Variants in WWP2 observed in about 807,000 individuals in gnomAD.
The protein encoded by WWP2 is NEDD4-like E3 ubiquitin-protein ligase WWP2.
WWP2 carries 57 observed loss-of-function variants against 121.0 expected under a neutral mutation model. The observed-to-expected ratio is 0.47, with a 90% CI of 0.38 to 0.59. WWP2 has a LOEUF of 0.59. Ranked by LOEUF, WWP2 falls within the 20% of genes least tolerant of loss-of-function variation. The pLI is 0.00. For synonymous variants in WWP2, 449 were observed against 441.3 expected (o/e 1.02, Z -0.22); for missense variants, 962 against 1,158.9 (o/e 0.83, Z 2.47).
intron 12 of WWP2, among the ~76,000 whole-genome samples, chr16:69,929,880 T>C (rs1225778635): frequency 1.3e-5 from 2 of 152,172 alleles, no homozygotes; most frequent in African/African-American, 4.8e-5. Context: ...ACAGGGTGCC[T>C]CAGGATTGCT....
chr16:69,906,293 T>C (rs376889803), intron 8 of WWP2, among the ~76,000 whole-genome samples: 14 of 152,088 alleles, frequency 9.2e-5, no homozygotes, highest in African/African-American at 1.7e-4. Context: ...AGGATGATCT[T>C]GATCTCCTGA....
At chr16:69,788,659 A>G (rs1028987753) in intron 2 of WWP2, among the ~76,000 whole-genome samples, 8 of 151,862 alleles carry the variant, frequency 5.3e-5, no homozygotes, top group Admixed American at 5.2e-4. Context: ...CATCACATCT[A>G]TTTCCCTCTC....
At chr16:69,858,234 T>G (rs1426491453) in intron 6 of WWP2, among the ~76,000 whole-genome samples, 6 of 152,122 alleles carry the variant, frequency 3.9e-5, no homozygotes, top group Admixed American at 2.0e-4. Flanking sequence ...GTGGTTTTTT[T>G]GGGGAGGAAG....
chr16:69,768,289 A>G (rs1321143642), intron 1 of WWP2, among the ~76,000 whole-genome samples: 1 of 152,186 alleles, frequency 6.6e-6, no homozygotes, highest in Non-Finnish European at 1.5e-5. Context: ...TCAGTGATTT[A>G]AATCATTACT....
chr16:69,824,670 G>A (rs2056652281), intron 4 of WWP2, among the ~76,000 whole-genome samples: 1 of 151,536 alleles, frequency 6.6e-6, no homozygotes, highest in African/African-American at 2.4e-5. Context: ...AGTGGATAGA[G>A]TGCATCTGTA....
chr16:69,794,836 T>C lies in WWP2; in HGVS notation c.71-3846T>C, dbSNP rs149178560. Among the ~76,000 whole-genome samples, 449 of 152,350 alleles carry C rather than the reference T, an allele frequency of 2.9e-3. 1 individual carries two copies. The highest frequency in any genetic ancestry group is 0.01 in the Middle Eastern group (3 of 294). On this transcript the variant is annotated intron_variant, in intron 2 of 23. Transcript: ENST00000359154. ...CCATGGAAAAGAAGGGAGGATGTTC[T>C]AGATTTTAAAAGATTAAGGAGATAG...
chr16:69,781,133 G>T (rs1301574412), intron 1 of WWP2, among the ~76,000 whole-genome samples: 1 of 151,296 alleles, frequency 6.6e-6, no homozygotes, highest in Admixed American at 6.6e-5. Flanking sequence ...CTTTAAAAAA[G>T]GAAAAAAAAA....
chr16:69,809,260 C>T (rs1261666780), intron 4 of WWP2, among the ~76,000 whole-genome samples: 1 of 152,088 alleles, frequency 6.6e-6, no homozygotes, highest in Admixed American at 6.6e-5. Flanking sequence ...CGTACGTAGC[C>T]TATGTACCTA....
chr16:69,897,936 A>C (rs1270501841), intron 8 of WWP2, among the ~76,000 whole-genome samples: 1 of 151,498 alleles, frequency 6.6e-6, no homozygotes, highest in Non-Finnish European at 1.5e-5. Context: ...AAAACAAAAC[A>C]AAAAAAACAC....
At chr16:69,771,268 A>G (rs1379642912) in intron 1 of WWP2, among the ~76,000 whole-genome samples, 1 of 152,140 alleles carries the variant, frequency 6.6e-6, no homozygotes, top group Non-Finnish European at 1.5e-5. Context: ...TTTCTTTTTG[A>G]GATGAAATCT....
chr16:69,781,310 G>A (rs981639962), intron 1 of WWP2, among the ~76,000 whole-genome samples: 3 of 152,026 alleles, frequency 2.0e-5, no homozygotes, highest in Admixed American at 6.6e-5. Flanking sequence ...TGCATAGGAC[G>A]TCAAAGTTCA....
intron 8 of WWP2, among the ~76,000 whole-genome samples, chr16:69,901,534 T>C (rs1188213307): frequency 6.6e-6 from 1 of 152,064 alleles, no homozygotes; most frequent in Non-Finnish European, 1.5e-5. Context: ...TGCTTCAGCC[T>C]CCCGAGTAGC....
intron 5 of WWP2, among the ~76,000 whole-genome samples, chr16:69,840,742 T>C (rs1030148291): frequency 1.3e-5 from 2 of 152,290 alleles, no homozygotes; most frequent in Admixed American, 6.5e-5. Context: ...TGTTGGTAGT[T>C]TGTTTCTTTT....
At chr16:69,912,470 G>C (rs2151965767) in intron 9 of WWP2, among the ~76,000 whole-genome samples, 2 of 151,864 alleles carry the variant, frequency 1.3e-5, no homozygotes, top group Middle Eastern at 3.4e-3. Flanking sequence ...ACCAGGTCGG[G>C]GGACACAAAC....
chr16:69,782,182 C>T (rs1459545419), intron 1 of WWP2, among the ~76,000 whole-genome samples: 1 of 152,120 alleles, frequency 6.6e-6, no homozygotes, highest in Non-Finnish European at 1.5e-5. Context: ...ACCAGGGAGG[C>T]TGAGGCAGGA....
intron 4 of WWP2, among the ~76,000 whole-genome samples, chr16:69,808,995 C>T (rs375114819): frequency 4.7e-4 from 71 of 152,278 alleles, no homozygotes; most frequent in African/African-American, 1.7e-3. Context: ...TTTTACTGTG[C>T]TCTGATCGTT....
chr16:69,824,819 G>A (rs992167285), intron 4 of WWP2, among the ~76,000 whole-genome samples: 1 of 126,972 alleles, frequency 7.9e-6, no homozygotes, highest in African/African-American at 3.0e-5. Flanking sequence ...CACCCAGACT[G>A]CAGTACAGTG....
intron 4 of WWP2, among the ~76,000 whole-genome samples, chr16:69,813,248 C>T (rs367967522): frequency 2.0e-5 from 3 of 151,912 alleles, no homozygotes; most frequent in East Asian, 1.9e-4. Flanking sequence ...CCGCAACCTC[C>T]GCCTCCTGGG....
intron 4 of WWP2, among the ~76,000 whole-genome samples, chr16:69,821,826 G>A (rs556483425): frequency 6.7e-6 from 1 of 150,320 alleles, no homozygotes; most frequent in Non-Finnish European, 1.5e-5. Context: ...CCAAAGAGCT[G>A]GGATTATAGG....
Sources: allele counts gnomAD v4.1 joint callset (sites outside exome capture counted in the v4.1 genomes callset), GRCh38; gene constraint gnomAD v4.1.1; transcripts MANE v1.5; gene names NCBI Gene and HGNC (gene_info 2026-07-23, HGNC 2026-07-21).